The following FADS6 variants were observed in gnomAD, a reference collection of about 807,000 sequenced individuals.
FADS6 encodes the protein fatty acid desaturase 6.
A neutral mutation model predicts 31.7 loss-of-function variants in FADS6; 28 were observed. The observed-to-expected ratio is 0.88, with a 90% CI of 0.66 to 1.21. The LOEUF is 1.21. Among genes scored for constraint, FADS6 ranks in the 50% most tolerant of loss-of-function variants. The pLI is 0.00. For synonymous variants in FADS6, 191 were observed against 213.1 expected, an observed-to-expected ratio of 0.90 and a Z score of 0.90; for missense variants, 494 against 504.2, an observed-to-expected ratio of 0.98 and a Z score of 0.19.
At chr17:74,880,025 A>G (rs689639) in intron 4 of FADS6, among the ~76,000 whole-genome samples, 122,143 of 152,202 alleles carry the variant, frequency 0.8, 49,373 homozygotes, top group African/African-American at 0.88. Flanking sequence ...GAACTCAGAC[A>G]TGACCAGGAG....
chr17:74,886,128 A>T (rs2034584853), intron 2 of FADS6, among the ~76,000 whole-genome samples: 1 of 152,008 alleles, frequency 6.6e-6, no homozygotes, highest in African/African-American at 2.4e-5. Context: ...AGTCCCAGCT[A>T]CTTGGGAGGC....
intron 1 of FADS6, among the ~76,000 whole-genome samples, chr17:74,892,891 G>A (rs1443316051): frequency 6.6e-6 from 1 of 152,044 alleles, no homozygotes; most frequent in African/African-American, 2.4e-5. Flanking sequence ...CCCGTGCCTG[G>A]TCCTGACTCT....
At chr17:74,883,887 C>T (rs968853682) in intron 2 of FADS6, among the ~76,000 whole-genome samples, 2 of 152,122 alleles carry the variant, frequency 1.3e-5, no homozygotes, top group Non-Finnish European at 2.9e-5. Context: ...AGGCTAGTCT[C>T]GAACTCCTGG....
At chr17:74,880,206 G>A (rs1311282974) in intron 4 of FADS6, among the ~76,000 whole-genome samples, 1 of 152,094 alleles carries the variant, frequency 6.6e-6, no homozygotes, top group African/African-American at 2.4e-5. Context: ...TGAATGCTGA[G>A]CCCTGGCCTC....
At chr17:74,881,298 G>C in intron 3 of FADS6, 43 bp from the exon 4 acceptor site, 2 of 1,528,964 alleles carry the variant, frequency 1.3e-6, no homozygotes, top group Non-Finnish European at 1.8e-6. Flanking sequence ...GATCCATCAG[G>C]AGGGGCTCCC....
intron 1 of FADS6, 87 bp from the exon 2 acceptor site, chr17:74,892,776 A>ACTTTAGCCTG: frequency 7.4e-7 from 1 of 1,357,050 alleles, no homozygotes; most frequent in Non-Finnish European, 9.9e-7. Context: ...CTGGGAGCCC[A>ACTTTAGCCTG]GGCTAAAGTG....
At chr17:74,892,372 A>G in intron 2 of FADS6, 151 bp downstream of exon 2, 3 of 940,426 alleles carry the variant, frequency 3.2e-6, no homozygotes, top group Non-Finnish European at 4.7e-6. Flanking sequence ...GCTGTAGTGC[A>G]TACTGCACCA....
Position 74,881,060 on chromosome 17 carries a change from G to A in FADS6, c.780+8C>T, listed in dbSNP as rs1440953892. 24 of 1,609,860 alleles carry A rather than the reference G, an allele frequency of 1.5e-5. No homozygotes were observed. Among genetic ancestry groups the A allele is most frequent in the Non-Finnish European group, 1.9e-5 (22 of 1,177,950 alleles). ...GCTGCCCAGCGCCCCAGGTTGGGGT[G>A]GCCTCACCTGGAAGATGTTGACGTG... On this transcript the variant is annotated splice_region_variant and intron_variant, in intron 4 of 5. Coordinates refer to ENST00000612771, the MANE Select transcript of FADS6 (RefSeq NM_178128.6).
rs558578745 is a variant in FADS6 at position 74,889,710 on chromosome 17, C to CA, written c.411+2812dup. Among the ~76,000 whole-genome samples, 248 of 142,884 alleles carry CA rather than the reference C, an allele frequency of 1.7e-3. 1 individual carries two copies. Among genetic ancestry groups the CA allele is most frequent in the Non-Finnish European group, 2.3e-3 (148 of 64,918 alleles). 93.7% of individuals were successfully genotyped at this position (142,884 alleles called of 152,430 possible). The stretch of plus-strand genomic sequence containing the variant: ...GTGAAACCCTGTCTCTACAAAAATA[C>CA]AAAAAAAAAAATTAGCTGGACATGG... On this transcript the variant is annotated intron_variant, in intron 2 of 5. Coordinates refer to ENST00000612771, the MANE Select transcript of FADS6 (RefSeq NM_178128.6).
rs2038563293 is a variant in FADS6 at position 74,881,127 on chromosome 17, A to G, written c.721T>C (p.Cys241Arg). The change falls in exon 4 of 6, where the codon TGC (cysteine) becomes CGC (arginine). Residue 241 changes from cysteine (C) to arginine (R), a missense_variant. Coordinates refer to ENST00000612771, the MANE Select transcript of FADS6 (RefSeq NM_178128.6). The part of the protein sequence containing the change: ...GFKNPSSALG[C>R]MFLTRSLLAH... ...AACAGGGATCTGGTGAGGAACATGC[A>G]GCCCAGGGCTGAGCTGGGGTTCTTG... The G allele has an allele frequency of 6.2e-7, 1 of 1,613,714 alleles. No individual in the cohort carries two copies. Among genetic ancestry groups the G allele is most frequent in the East Asian group, 2.2e-5 (1 of 44,878 alleles).
chr17:74,890,092 A>C (rs2038672609), intron 2 of FADS6, among the ~76,000 whole-genome samples: 1 of 152,124 alleles, frequency 6.6e-6, no homozygotes, highest in South Asian at 2.1e-4. Flanking sequence ...GGAAAGTGAC[A>C]CTTAGATGTT....
At position 74,881,179 on chromosome 17, in the gene FADS6, G is replaced by C. The variant is rs755027706; in HGVS notation, c.669C>G (p.Tyr223Ter). ...ALISLGLYSH[Y>*]WLLLNVSGFK... ...AGCCTGACACGTTCAGGAGCAGCCA[G>C]TAGTGAGAATAAAGGCCCAGAGAAA... Residue 223 changes from tyrosine (Y) to a stop codon, truncating the protein, a stop_gained, in exon 4 of 6, where the codon TAC becomes TAG. Coordinates refer to ENST00000612771, the MANE Select transcript of FADS6 (RefSeq NM_178128.6). LOFTEE classifies it high-confidence loss of function. The C allele has an allele frequency of 6.2e-7, 1 of 1,612,866 alleles. No homozygotes were observed. Among genetic ancestry groups the C allele is most frequent in the South Asian group, 1.1e-5 (1 of 90,860 alleles).
chr17:74,887,086 AC>A (rs2038631733), intron 2 of FADS6, among the ~76,000 whole-genome samples: 3 of 134,442 alleles, frequency 2.2e-5, no homozygotes, highest in African/African-American at 8.6e-5. Flanking sequence ...TTTGAGACAG[AC>A]TTTTACTCTG....
chr17:74,880,593 C>T (rs560892345), intron 4 of FADS6, among the ~76,000 whole-genome samples: 1 of 152,188 alleles, frequency 6.6e-6, no homozygotes, highest in Admixed American at 6.5e-5. Context: ...ATCCACCCAC[C>T]TCAGTCTCCC....
Position 74,885,446 on chromosome 17 carries a change from T to C in FADS6, c.412-2736A>G, listed in dbSNP as rs148946411. Among the ~76,000 whole-genome samples, 13 of 152,276 alleles carry C rather than the reference T, an allele frequency of 8.5e-5. 1 individual carries two copies. The East Asian group carries it at 2.5e-3, about 29-fold the overall frequency. On this transcript the variant is annotated intron_variant, in intron 2 of 5. Transcript: ENST00000612771. ...CATGGAGCCCCAGAAGCCCCCAGCA[T>C]TCTGAAGCCAGATGTGAAGGGGCTG...
Position 74,878,411 on chromosome 17 carries a change from C to G in FADS6, c.1027G>C (p.Ala343Pro), listed in dbSNP as rs375862654. The G allele has an allele frequency of 2.5e-6, 4 of 1,614,016 alleles. No individual in the cohort carries two copies. Among genetic ancestry groups the G allele is most frequent in the African/African-American group, 2.7e-5 (2 of 75,070 alleles). ...CGACGGAGAAACAGCTGGAAGCGAG[C>G]CAGGTATGAGTCCTCGTTGTACGGT... ...QLPYNEDSYL[A>P]RFQLFLRRYE... The change falls in exon 6 of 6, where the codon GCT becomes CCT. Residue 343 changes from alanine (A) to proline (P), a missense_variant. Physicochemically the swap from Ala to Pro is conservative, Grantham distance 27 (BLOSUM62 -1). This residue lies in a region of FADS6 where 454 missense variants were observed against 438.5 expected (regional missense o/e 1.04). Transcript: ENST00000612771.
intron 2 of FADS6, among the ~76,000 whole-genome samples, chr17:74,885,210 A>G (rs1359069813): frequency 2.0e-5 from 3 of 152,016 alleles, no homozygotes; most frequent in Admixed American, 6.6e-5. Context: ...ATCTGCCTGT[A>G]GACAAGTCTC....
intron 2 of FADS6, among the ~76,000 whole-genome samples, chr17:74,885,556 CG>C (rs1175742549): frequency 6.6e-6 from 1 of 152,118 alleles, no homozygotes; most frequent in Non-Finnish European, 1.5e-5. Context: ...GCCAGACCAA[CG>C]CTGCCCCTCT....
At position 74,882,542 on chromosome 17, in the gene FADS6, G is replaced by A. The variant is rs765509140; in HGVS notation, c.580C>T (p.Leu194=). 1.9e-6 allele frequency: 3 copies of A among 1,610,536 alleles called. No individual in the cohort carries two copies. In the South Asian group the frequency reaches 3.3e-5, roughly 18 times the overall value. The change falls in exon 3 of 6, where the codon CTG becomes TTG. Residue 194 remains leucine, a synonymous_variant. Coordinates refer to ENST00000612771, the MANE Select transcript of FADS6 (RefSeq NM_178128.6). ...TCATGGCACTCACCGACAGCCACCA[G>A]TGGAGTGGCGATGGGGAGGAGGAAA... is the stretch of plus-strand genomic sequence containing the variant. ...APFLLPIATP[L]VAVERLRKVE... is the part of the protein sequence containing the mutation.
Sources: allele counts gnomAD v4.1 joint callset (sites outside exome capture counted in the v4.1 genomes callset), GRCh38; gene constraint gnomAD v4.1.1; regional missense constraint gnomAD v4.1.1; transcripts MANE v1.5; gene names NCBI Gene and HGNC (gene_info 2026-07-23, HGNC 2026-07-21).